The following ZNF207 variants were observed in gnomAD, a reference collection of about 807,000 sequenced individuals.
ZNF207 encodes the protein BUB3-interacting and GLEBS motif-containing protein ZNF207.
A neutral mutation model predicts 60.2 loss-of-function variants in ZNF207; 24 were observed. The observed-to-expected ratio is 0.40, with a 90% CI of 0.29 to 0.56. The LOEUF is 0.56. Ranked by LOEUF, ZNF207 falls within the 20% of genes least tolerant of loss-of-function variation. The probability of loss-of-function intolerance (pLI) is 0.49; values close to 1 mark genes in which losing one functional copy is unlikely to be tolerated. For synonymous variants in ZNF207, 236 were observed against 194.7 expected, an observed-to-expected ratio of 1.21 and a Z score of -1.77; for missense variants, 452 against 636.6, an observed-to-expected ratio of 0.71 and a Z score of 3.12.
intron 2 of ZNF207, among the ~76,000 whole-genome samples, chr17:32,356,619 ATTAT>A (rs1284686449): frequency 6.6e-6 from 1 of 152,208 alleles, no homozygotes; most frequent in Non-Finnish European, 1.5e-5. Flanking sequence ...AAAAATGAGT[ATTAT>A]TTGGGCAAAT....
chr17:32,350,741 C>G (rs1340606430), intron 1 of ZNF207, among the ~76,000 whole-genome samples: 1 of 151,710 alleles, frequency 6.6e-6, no homozygotes, highest in Non-Finnish European at 1.5e-5. Context: ...CTGTCACCCA[C>G]TTTTTCTGTT....
In ZNF207 at chr17:32,367,692, C is replaced by G. The variant is rs376732945; in HGVS notation, c.922-80C>G. On this transcript the variant is annotated intron_variant, in intron 9 of 11. Transcript: ENST00000394670. The stretch of plus-strand genomic sequence containing the variant: ...TTTGGTCCTTTATTTAATGTTGATG[C>G]CTTGTTTTAAGTTAAACTGTTGTAG... The G allele has an allele frequency of 5.2e-6, 8 of 1,536,468 alleles. No individual in the cohort carries two copies. In the African/African-American group the frequency reaches 8.3e-5, roughly 16 times the overall value.
chr17:32,375,442 T>G lies in ZNF207; in HGVS notation c.*5683T>G, dbSNP rs1905644449. On this transcript the variant is annotated 3_prime_UTR_variant, in exon 12 of 12. Coordinates refer to ENST00000394670, the MANE Select transcript of ZNF207 (RefSeq NM_001098507.2). The stretch of plus-strand genomic sequence containing the variant: ...TACAGGCTCTTATCTGGTTGAGTAC[T>G]GGGGGTGGGAAGGATTTAGTAATGT... 1 of 152,250 alleles carries G rather than the reference T, an allele frequency of 6.6e-6. No individual in the cohort carries two copies. The highest frequency in any genetic ancestry group is 6.5e-5 in the Admixed American group (1 of 15,290). 9.4% of individuals were successfully genotyped at this position (152,250 alleles called of 1,614,324 possible).
chr17:32,378,283 T>C lies in ZNF207; in HGVS notation c.*8524T>C, dbSNP rs1905750035. The C allele has an allele frequency of 6.6e-6, 1 of 152,076 alleles. No homozygotes were observed. Among genetic ancestry groups the C allele is most frequent in the Non-Finnish European group, 1.5e-5 (1 of 67,872 alleles). The allele number at this position is 152,076 out of a possible 1,614,324, so 9.4% of individuals were successfully genotyped here. A position where few individuals can be genotyped will look rare whatever the true frequency, so the allele number is the denominator to read the frequency against. On this transcript the variant is annotated 3_prime_UTR_variant, in exon 12 of 12. Coordinates refer to ENST00000394670, the MANE Select transcript of ZNF207 (RefSeq NM_001098507.2). ...GCCCTTGTTGATAGATGATATGGAGTCCAGGGCTTTGGGTCCAGGGTCTTT... is the reference window on the plus strand; with the variant it reads ...GCCCTTGTTGATAGATGATATGGAGCCCAGGGCTTTGGGTCCAGGGTCTTT...
intron 3 of ZNF207, 45 bp downstream of exon 3, chr17:32,358,686 A>ATTT (rs368787491): frequency 6.7e-6 from 7 of 1,038,176 alleles, no homozygotes; most frequent in Non-Finnish European, 7.5e-6. Flanking sequence ...ATTTTTTTTA[A>ATTT]TTTTTTTTTT....
chr17:32,353,811 C>CAAAAAAAAA (rs536502166), intron 2 of ZNF207, among the ~76,000 whole-genome samples: 1 of 110,528 alleles, frequency 9.0e-6, no homozygotes, highest in Non-Finnish European at 1.8e-5. Context: ...ACTCTGTCTC[C>CAAAAAAAAA]AAAAAAAAAA....
chr17:32,376,603 A>G lies in ZNF207; in HGVS notation c.*6844A>G, dbSNP rs765733961. On this transcript the variant is annotated 3_prime_UTR_variant, in exon 12 of 12. Coordinates refer to ENST00000394670, the MANE Select transcript of ZNF207 (RefSeq NM_001098507.2). The stretch of plus-strand genomic sequence containing the variant: ...TATTGAGGCAGAAATTTGTAGCCCA[A>G]ACAAGGTAGGTCTTCGCTGAAACTA... 9 of 152,030 alleles carry G rather than the reference A, an allele frequency of 5.9e-5. No homozygotes were observed. Among genetic ancestry groups the G allele is most frequent in the African/African-American group, 1.4e-4 (6 of 41,430 alleles). The allele number at this position is 152,030 out of a possible 1,614,324, so 9.4% of individuals were successfully genotyped here.
At chr17:32,362,356 G>A (rs929291198) in intron 6 of ZNF207, among the ~76,000 whole-genome samples, 2 of 152,022 alleles carry the variant, frequency 1.3e-5, no homozygotes, top group African/African-American at 4.8e-5. Context: ...AAAAGTTATG[G>A]TCTCACTTTT....
In ZNF207 at chr17:32,373,554, AAATTT is replaced by A; in HGVS notation, c.*3800_*3804del. ...TGCAGCAAGTTTGGTGAAGGCCCCTAAATTTAATTAAACTTAGGATTTTTATACTC... is the reference window on the plus strand; with the variant it reads ...TGCAGCAAGTTTGGTGAAGGCCCCTAAATTAAACTTAGGATTTTTATACTC... On this transcript the variant is annotated 3_prime_UTR_variant, in exon 12 of 12. Coordinates refer to ENST00000394670, the MANE Select transcript of ZNF207 (RefSeq NM_001098507.2). 2.3e-6 allele frequency: 1 copy of A among 430,670 alleles called. No homozygotes were observed. Among genetic ancestry groups the A allele is most frequent in the Non-Finnish European group, 4.1e-6 (1 of 242,292 alleles). The allele number at this position is 430,670 out of a possible 1,614,324, so 26.7% of individuals were successfully genotyped here. A position where few individuals can be genotyped will look rare whatever the true frequency, so the allele number is the denominator to read the frequency against.
intron 8 of ZNF207, 122 bp downstream of exon 8, chr17:32,365,609 A>T (rs1286514443): frequency 1.1e-6 from 1 of 888,906 alleles, no homozygotes; most frequent in Non-Finnish European, 1.5e-6. Flanking sequence ...AATATTATTT[A>T]TTAAATATAC....
intron 7 of ZNF207, among the ~76,000 whole-genome samples, chr17:32,364,361 CTT>C (rs397858000): frequency 9.5e-5 from 13 of 137,356 alleles, no homozygotes; most frequent in Non-Finnish European, 9.3e-5. Flanking sequence ...GTTTTTTTTT[CTT>C]TTTTTTTTTT....
Position 32,368,238 on chromosome 17 carries a change from CTG to C in ZNF207, c.1164+226_1164+227del, listed in dbSNP as rs1905289884. The C allele has an allele frequency of 1.2e-5, 7 of 585,640 alleles. No homozygotes were observed. In the South Asian group the frequency reaches 1.7e-4, roughly 14 times the overall value. The allele number at this position is 585,640 out of a possible 1,614,324, so 36.3% of individuals were successfully genotyped here. ...ATGGTTTCTCTCCCCTTCCTCCAGACTGTTTCTAAAAGAAGACAGTAAGTCAG... is the reference window on the plus strand; with the variant it reads ...ATGGTTTCTCTCCCCTTCCTCCAGACTTTCTAAAAGAAGACAGTAAGTCAG... On this transcript the variant is annotated intron_variant, in intron 10 of 11. Coordinates refer to ENST00000394670, the MANE Select transcript of ZNF207 (RefSeq NM_001098507.2).
At position 32,367,377 on chromosome 17, in the gene ZNF207, T is replaced by G. The variant is rs896317721; in HGVS notation, c.922-395T>G. Reference sequence around the variant, plus strand: ...ACGAGTTTAAACTCATATTCTGTAGTTTTTTTTTTAGCTGTTTGATAGATT... The same window carrying G: ...ACGAGTTTAAACTCATATTCTGTAGGTTTTTTTTTAGCTGTTTGATAGATT... On this transcript the variant is annotated intron_variant, in intron 9 of 11. Transcript: ENST00000394670. 6.7e-5 allele frequency among the ~76,000 whole-genome samples: 9 copies of G among 133,376 alleles called. No individual in the cohort carries two copies. In the East Asian group the frequency reaches 8.1e-4, roughly 12 times the overall value. 87.5% of individuals were successfully genotyped at this position (133,376 alleles called of 152,430 possible). A position where few individuals can be genotyped will look rare whatever the true frequency, so the allele number is the denominator to read the frequency against.
rs753311110 is a variant in ZNF207 at position 32,360,608 on chromosome 17, A to C, written c.318A>C (p.Lys106Asn). The C allele has an allele frequency of 6.3e-7, 1 of 1,591,254 alleles. No individual in the cohort carries two copies. The highest frequency in any genetic ancestry group is 1.9e-5 in the Admixed American group (1 of 53,088). ...TTTTTTTTTTAACAGAAAGTCAAAA[A>C]AAGAAGCAACAAGATGATTCTGATG... ...LLEQKTQESQ[K>N]KKQQDDSDEY... The change falls in exon 4 of 12, where the codon AAA becomes AAC. Residue 106 changes from lysine to asparagine, a missense_variant. Physicochemically the swap from Lys to Asn is moderately conservative, Grantham distance 94. Coordinates refer to ENST00000394670, the MANE Select transcript of ZNF207 (RefSeq NM_001098507.2).
In ZNF207 at chr17:32,377,969, C is replaced by G. The variant is rs1009300772; in HGVS notation, c.*8210C>G. The G allele has an allele frequency of 6.6e-6, 1 of 152,420 alleles. No individual in the cohort carries two copies. The highest frequency in any genetic ancestry group is 1.5e-5 in the Non-Finnish European group (1 of 67,894). The allele number at this position is 152,420 out of a possible 1,614,324, so 9.4% of individuals were successfully genotyped here. On this transcript the variant is annotated 3_prime_UTR_variant, in exon 12 of 12. Transcript: ENST00000394670. ...GGTAGAGAAGAAAAATCCCACAGCCCTGCCAGTACAGGTTAGTTTAATCTG... is the reference window on the plus strand; with the variant it reads ...GGTAGAGAAGAAAAATCCCACAGCCGTGCCAGTACAGGTTAGTTTAATCTG...
Position 32,350,191 on chromosome 17 carries a change from G to T in ZNF207, c.-95G>T. The T allele has an allele frequency of 6.4e-7, 1 of 1,566,598 alleles. No individual in the cohort carries two copies. Among genetic ancestry groups the T allele is most frequent in the Non-Finnish European group, 8.8e-7 (1 of 1,138,154 alleles). On this transcript the variant is annotated 5_prime_UTR_variant, in exon 1 of 12. Coordinates refer to ENST00000394670, the MANE Select transcript of ZNF207 (RefSeq NM_001098507.2). The stretch of plus-strand genomic sequence containing the variant: ...TTTGTGTCTGCTTCCTGTGGGACGT[G>T]GTGGTAGCCGTTGGGTTGGGAAAGT...
At position 32,375,189 on chromosome 17, in the gene ZNF207, TA is replaced by T. The variant is rs1321490049; in HGVS notation, c.*5432del. The T allele has an allele frequency of 6.6e-6, 1 of 152,210 alleles. No individual in the cohort carries two copies. Among genetic ancestry groups the T allele is most frequent in the Non-Finnish European group, 1.5e-5 (1 of 68,016 alleles). The allele number at this position is 152,210 out of a possible 1,614,324, so 9.4% of individuals were successfully genotyped here. A position where few individuals can be genotyped will look rare whatever the true frequency, so the allele number is the denominator to read the frequency against. On this transcript the variant is annotated 3_prime_UTR_variant, in exon 12 of 12. Transcript: ENST00000394670. Reference sequence around the variant, plus strand: ...GAATTGTAAATTTTGACTTGTTAAATAACATGTTTTTCACTATAACTAATAG... The same window carrying T: ...GAATTGTAAATTTTGACTTGTTAAATACATGTTTTTCACTATAACTAATAG...
Position 32,377,643 on chromosome 17 carries a change from T to C in ZNF207, c.*7884T>C, listed in dbSNP as rs1056575866. The C allele has an allele frequency of 6.6e-6, 1 of 152,000 alleles. No individual in the cohort carries two copies. The highest frequency in any genetic ancestry group is 2.4e-5 in the African/African-American group (1 of 41,438). 9.4% of individuals were successfully genotyped at this position (152,000 alleles called of 1,614,324 possible). A position where few individuals can be genotyped will look rare whatever the true frequency, so the allele number is the denominator to read the frequency against. On this transcript the variant is annotated 3_prime_UTR_variant, in exon 12 of 12. Coordinates refer to ENST00000394670, the MANE Select transcript of ZNF207 (RefSeq NM_001098507.2). ...GAAATTCCCACATGTTTAAGATATA[T>C]GCCCATCCCCTTTTTAGAGTAATCA...
At chr17:32,357,803 T>A (rs79381821) in intron 2 of ZNF207, among the ~76,000 whole-genome samples, 1 of 147,668 alleles carries the variant, frequency 6.8e-6, no homozygotes, top group Non-Finnish European at 1.5e-5. Context: ...GCCCTGCTAA[T>A]TTTTTTTTTG....
Sources: allele counts gnomAD v4.1 joint callset (sites outside exome capture counted in the v4.1 genomes callset), GRCh38; gene constraint gnomAD v4.1.1; transcripts MANE v1.5; gene names NCBI Gene and HGNC (gene_info 2026-07-23, HGNC 2026-07-21).